The following IQCH variants were observed in gnomAD, a reference collection of about 807,000 sequenced individuals.
IQCH encodes IQ domain-containing protein H.
IQCH carries 98 observed loss-of-function variants against 117.0 expected under a neutral mutation model. The observed-to-expected ratio is 0.84, with a 90% CI of 0.71 to 0.99. IQCH has a LOEUF of 0.99. Ranked by LOEUF, IQCH falls within the 50% of genes least tolerant of loss-of-function variation. IQCH has a pLI of 0.00. For missense variants in IQCH, 1,102 were observed against 1,243.8 expected (o/e 0.89, Z 1.72); for synonymous variants, 412 against 448.2 (o/e 0.92, Z 1.02).
chr15:67,355,507 G>A (rs1003975436), intron 6 of IQCH, among the ~76,000 whole-genome samples: 9 of 151,822 alleles, frequency 5.9e-5, no homozygotes, highest in East Asian at 1.9e-4. Context: ...GGAGAATGGT[G>A]TGAACCTGGG....
chr15:67,340,450 A>ACC (rs1567110014), intron 5 of IQCH, among the ~76,000 whole-genome samples: 1 of 121,140 alleles, frequency 8.3e-6, no homozygotes, highest in Admixed American at 8.5e-5. Context: ...AAAAAAAAAA[A>ACC]AAAAAAAAAA....
At chr15:67,289,862 A>G (rs1452493973) in intron 4 of IQCH, among the ~76,000 whole-genome samples, 1 of 152,134 alleles carries the variant, frequency 6.6e-6, no homozygotes, top group Admixed American at 6.6e-5. Flanking sequence ...GTTTAAAAAC[A>G]TAATTTTTAA....
Position 67,457,251 on chromosome 15 carries a change from G to A in IQCH, c.2506-7876G>A, listed in dbSNP as rs2082680865. Among the ~76,000 whole-genome samples the A allele has an allele frequency of 6.6e-6, 1 of 152,196 alleles. No homozygotes were observed. Among genetic ancestry groups the A allele is most frequent in the Admixed American group, 6.5e-5 (1 of 15,286 alleles). ...TAATCACATTAGTATTTTACTAATT[G>A]AAAATTCTTACAGTGGGGTGTACCA... On this transcript the variant is annotated intron_variant, in intron 16 of 20. Coordinates refer to ENST00000335894, the MANE Select transcript of IQCH (RefSeq NM_001031715.3). This position sits in a 1 kb window ranked among gnomAD's most constrained non-coding sequence, Gnocchi z 5.7.
intron 6 of IQCH, among the ~76,000 whole-genome samples, chr15:67,353,049 G>A (rs1379611931): frequency 6.6e-6 from 1 of 152,010 alleles, no homozygotes; most frequent in Admixed American, 6.6e-5. Flanking sequence ...AGGAGGCTGA[G>A]GCAGGAGAAT....
rs370216523 is a variant in IQCH at position 67,254,872 on chromosome 15, G to A, written c.-25G>A. ...CGTGCTTGGAAACCGCGCCTCCGCG[G>A]AGGTAGCCGTTCCCTGACCTAGCCA... On this transcript the variant is annotated 5_prime_UTR_variant, in exon 1 of 21. Transcript: ENST00000335894. 6 of 1,611,550 alleles carry A rather than the reference G, an allele frequency of 3.7e-6. No homozygotes were observed. The highest frequency in any genetic ancestry group is 5.1e-6 in the Non-Finnish European group (6 of 1,178,638).
intron 16 of IQCH, among the ~76,000 whole-genome samples, chr15:67,441,402 G>A (rs2082268708): frequency 6.6e-6 from 1 of 151,972 alleles, no homozygotes; most frequent in Non-Finnish European, 1.5e-5. Context: ...AATTCATATG[G>A]AACCAAAAAA....
In IQCH at chr15:67,406,967, T is replaced by C. The variant is rs551059721; in HGVS notation, c.2097+6662T>C. On this transcript the variant is annotated intron_variant, in intron 14 of 20. Transcript: ENST00000335894. This position sits in a 1 kb window ranked among gnomAD's most constrained non-coding sequence, Gnocchi z 4.5. ...GTATTATAACAAAATACAGGTAACATTGAACAAGTACATACAACTTAATCT... is the reference window on the plus strand; with the variant it reads ...GTATTATAACAAAATACAGGTAACACTGAACAAGTACATACAACTTAATCT... 2.6e-5 allele frequency: 4 copies of C among 152,248 alleles called. No individual in the cohort carries two copies. The highest frequency in any genetic ancestry group is 9.6e-5 in the African/African-American group (4 of 41,470). 9.4% of individuals were successfully genotyped at this position (152,248 alleles called of 1,614,324 possible). A position where few individuals can be genotyped will look rare whatever the true frequency, so the allele number is the denominator to read the frequency against.
intron 4 of IQCH, among the ~76,000 whole-genome samples, chr15:67,279,950 A>C (rs1966282893): frequency 6.6e-6 from 1 of 152,116 alleles, no homozygotes; most frequent in Admixed American, 6.6e-5. Flanking sequence ...CGGGAGGCGG[A>C]ACTTTCAGTG....
At chr15:67,409,597 G>A (rs189977248) in intron 14 of IQCH, among the ~76,000 whole-genome samples, 1 of 152,204 alleles carries the variant, frequency 6.6e-6, no homozygotes, top group African/African-American at 2.4e-5. Flanking sequence ...GAAGCAGCGA[G>A]TGGATAATGC....
At chr15:67,439,846 CCATTG>C (rs2082222548) in intron 16 of IQCH, among the ~76,000 whole-genome samples, 2 of 149,954 alleles carry the variant, frequency 1.3e-5, no homozygotes, top group East Asian at 3.9e-4. Flanking sequence ...CGAGATCACG[CCATTG>C]CACTCCATCC....
chr15:67,448,593 A>G (rs1202118898), intron 16 of IQCH, among the ~76,000 whole-genome samples: 1 of 151,922 alleles, frequency 6.6e-6, no homozygotes. Flanking sequence ...CATGGTGTAT[A>G]TGTGCCACAT....
At position 67,482,000 on chromosome 15, in the gene IQCH, G is replaced by A. The variant is rs539074380; in HGVS notation, c.2799+6182G>A. ...CTCACGAGGTTGAGGCAGGAGGACC[G>A]CTCACTTGAGGCCAGGAGTTCAAGA... is the stretch of plus-strand genomic sequence containing the variant. On this transcript the variant is annotated intron_variant, in intron 18 of 20. Transcript: ENST00000335894. The surrounding 1 kb of genome is among the most constrained non-coding windows in gnomAD (Gnocchi z 4.1). Among the ~76,000 whole-genome samples, 1 of 152,194 alleles carries A rather than the reference G, an allele frequency of 6.6e-6. No individual in the cohort carries two copies.
At chr15:67,360,175 C>T (rs1296840060) in intron 8 of IQCH, 3 of 352,350 alleles carry the variant, frequency 8.5e-6, no homozygotes, top group African/African-American at 4.3e-5. Context: ...CATCAATCTT[C>T]AAATTCAATC....
At position 67,453,799 on chromosome 15, in the gene IQCH, T is replaced by C. The variant is rs8032137; in HGVS notation, c.2506-11328T>C. ...GCAGAGGTTACTGCTGTCTTTTTGT[T>C]TGTCTGTGCCCTGCCCCCAGAGGTG... On this transcript the variant is annotated intron_variant, in intron 16 of 20. Coordinates refer to ENST00000335894, the MANE Select transcript of IQCH (RefSeq NM_001031715.3). This position sits in a 1 kb window ranked among gnomAD's most constrained non-coding sequence, Gnocchi z 5.8. Among the ~76,000 whole-genome samples, 21,130 of 152,228 alleles carry C rather than the reference T, an allele frequency of 0.14. 1,693 individuals carry two copies. Among genetic ancestry groups the C allele is most frequent in the East Asian group, 0.21 (1,073 of 5,182 alleles).
At chr15:67,333,639 G>C (rs1275261690) in intron 4 of IQCH, among the ~76,000 whole-genome samples, 2 of 152,134 alleles carry the variant, frequency 1.3e-5, no homozygotes, top group Non-Finnish European at 2.9e-5. Flanking sequence ...TAATAAAATA[G>C]AATGGTTTTT....
In IQCH at chr15:67,479,190, G is replaced by A. The variant is rs1267921432; in HGVS notation, c.2799+3372G>A. Among the ~76,000 whole-genome samples, 1 of 152,128 alleles carries A rather than the reference G, an allele frequency of 6.6e-6. No individual in the cohort carries two copies. Among genetic ancestry groups the A allele is most frequent in the African/African-American group, 2.4e-5 (1 of 41,416 alleles). On this transcript the variant is annotated intron_variant, in intron 18 of 20. Transcript: ENST00000335894. This position sits in a 1 kb window ranked among gnomAD's most constrained non-coding sequence, Gnocchi z 4.6. ...CCTACTGCGTACTGGCCTCTGAGCT[G>A]AGCACTTTACTTCATTATCTCATTT... is the stretch of plus-strand genomic sequence containing the variant.
chr15:67,292,277 G>A (rs1052972523), intron 4 of IQCH, among the ~76,000 whole-genome samples: 2 of 151,966 alleles, frequency 1.3e-5, no homozygotes, highest in African/African-American at 4.8e-5. Context: ...TTGAGACAGG[G>A]TATTGCTCTG....
rs369744882 is a variant in IQCH, at chr15:67,378,775, A to G, written c.1372+5342A>G. Among the ~76,000 whole-genome samples, 261 of 152,216 alleles carry G rather than the reference A, an allele frequency of 1.7e-3. 12 individuals are homozygous for G. The South Asian group carries it at 0.053, about 31-fold the overall frequency. ...AGCTCATAGGCTTTTCATGAGATCT[A>G]TTAATATTAGGATATGCTGTAGAAG... On this transcript the variant is annotated intron_variant, in intron 10 of 20. Coordinates refer to ENST00000335894, the MANE Select transcript of IQCH (RefSeq NM_001031715.3).
intron 12 of IQCH, among the ~76,000 whole-genome samples, chr15:67,394,704 A>C (rs1314455543): frequency 6.6e-6 from 1 of 152,164 alleles, no homozygotes. Context: ...TCTTGCTGAA[A>C]TTTTCAATTA....
Sources: gnomAD v4.1 joint callset for allele counts (sites outside exome capture counted in the v4.1 genomes callset) on GRCh38, gnomAD v4.1.1 for gene constraint, Gnocchi (gnomAD v3.1) non-coding constraint, MANE v1.5 for transcripts, NCBI Gene and HGNC (gene_info 2026-07-23, HGNC 2026-07-21) for gene names.